MCC: variants seen among roughly 807,000 people sequenced by gnomAD.
MCC encodes the protein MCC regulator of Wnt signaling pathway.
In MCC, 90 loss-of-function variants were observed where a neutral mutation model predicts 116.2. The ratio of observed to expected loss-of-function variants is 0.77; its 90% confidence interval spans 0.65 to 0.92. The LOEUF (loss-of-function observed/expected upper bound fraction) is 0.92. Among genes scored for constraint, MCC ranks in the 40% least tolerant of loss-of-function variants. MCC has a pLI of 0.00. For synonymous variants in MCC, 578 were observed against 510.5 expected, an observed-to-expected ratio of 1.13 and a Z score of -1.78; for missense variants, 1,516 against 1,312.2, an observed-to-expected ratio of 1.16 and a Z score of -2.40.
At chr5:113,406,079 G>T (rs1461709743) in intron 1 of MCC, among the ~76,000 whole-genome samples, 1 of 152,078 alleles carries the variant, frequency 6.6e-6, no homozygotes, top group Admixed American at 6.6e-5. Flanking sequence ...AAAGTTCACA[G>T]GTTCATCTTA....
intron 6 of MCC, among the ~76,000 whole-genome samples, chr5:113,116,340 G>A (rs1199366301): frequency 6.6e-6 from 1 of 152,178 alleles, no homozygotes; most frequent in African/African-American, 2.4e-5. Context: ...ACACTAGCAA[G>A]GTCCCGAAGT....
chr5:113,148,664 C>T (rs1386429437), intron 4 of MCC, among the ~76,000 whole-genome samples: 1 of 152,146 alleles, frequency 6.6e-6, no homozygotes, highest in Non-Finnish European at 1.5e-5. Flanking sequence ...GCAGCACAGT[C>T]ATTTCATTGT....
chr5:113,426,796 G>A (rs1255401860), intron 1 of MCC, among the ~76,000 whole-genome samples: 2 of 152,134 alleles, frequency 1.3e-5, no homozygotes, highest in East Asian at 3.8e-4. Flanking sequence ...GATGGGGATG[G>A]ATTTAATTGG....
chr5:113,488,351 TGCCGCCGCCGCCGCC>T lies in MCC; in HGVS notation c.49_63del (p.Gly17_Gly21del). ...TCGCTGCTGCTGCTGCTGCTGCCGC[TGCCGCCGCCGCCGCC>T]GCCGCTGCTGGAGCTCCCCGCAGCC... On this transcript the variant is annotated inframe_deletion, in exon 1 of 19. Coordinates refer to ENST00000408903, the MANE Select transcript of MCC (RefSeq NM_001085377.2). 4 of 1,455,516 alleles carry T rather than the reference TGCCGCCGCCGCCGCC, an allele frequency of 2.7e-6. No homozygotes were observed. Among genetic ancestry groups the T allele is most frequent in the African/African-American group, 1.5e-5 (1 of 68,152 alleles). The allele number at this position is 1,455,516 out of a possible 1,614,324, so 90.2% of individuals were successfully genotyped here.
chr5:113,371,803 G>T (rs2150389037), intron 2 of MCC, among the ~76,000 whole-genome samples: 1 of 152,302 alleles, frequency 6.6e-6, no homozygotes, highest in South Asian at 2.1e-4. Flanking sequence ...AGATAAAACA[G>T]GAAGCAAAAT....
At chr5:113,450,017 T>C (rs1771343220) in intron 1 of MCC, among the ~76,000 whole-genome samples, 1 of 152,206 alleles carries the variant, frequency 6.6e-6, no homozygotes, top group Non-Finnish European at 1.5e-5. Flanking sequence ...TTGCACAATG[T>C]ATAATTTGCA....
intron 2 of MCC, among the ~76,000 whole-genome samples, chr5:113,361,288 G>A (rs1300873602): frequency 7.1e-6 from 1 of 141,286 alleles, no homozygotes; most frequent in Non-Finnish European, 1.5e-5. Context: ...AGTCTTTATT[G>A]TACCTCTATA....
intron 15 of MCC, among the ~76,000 whole-genome samples, chr5:113,050,918 G>T (rs906324522): frequency 5.9e-5 from 9 of 152,216 alleles, no homozygotes; most frequent in Non-Finnish European, 1.5e-5. Context: ...ACCCCTACGG[G>T]AGCAGGATTC....
rs140224456 is a variant in MCC, at chr5:113,143,751, A to T, written c.742-391T>A. Among the ~76,000 whole-genome samples the T allele has an allele frequency of 2.2e-4, 33 of 152,282 alleles. No homozygotes were observed. The East Asian group carries it at 6.2e-3, about 29-fold the overall frequency. ...AGCCAATGGATGTAAGGTTGCATGGAGTTGATTCAGAAAGCCTTGAAGAGC... is the reference window on the plus strand; with the variant it reads ...AGCCAATGGATGTAAGGTTGCATGGTGTTGATTCAGAAAGCCTTGAAGAGC... On this transcript the variant is annotated intron_variant, in intron 4 of 18. Coordinates refer to ENST00000408903, the MANE Select transcript of MCC (RefSeq NM_001085377.2).
At chr5:113,245,021 T>C (rs931745080) in intron 3 of MCC, among the ~76,000 whole-genome samples, 3 of 152,206 alleles carry the variant, frequency 2.0e-5, no homozygotes, top group African/African-American at 7.2e-5. Flanking sequence ...GGGTAGCTTT[T>C]GCTTCTGGAA....
At chr5:113,193,282 T>A (rs1037169506) in intron 3 of MCC, among the ~76,000 whole-genome samples, 3 of 151,302 alleles carry the variant, frequency 2.0e-5, no homozygotes, top group African/African-American at 7.3e-5. Context: ...AGATTCTTAA[T>A]CGCATATGCA....
At chr5:113,260,934 G>A (rs1458754233) in intron 3 of MCC, among the ~76,000 whole-genome samples, 2 of 152,152 alleles carry the variant, frequency 1.3e-5, no homozygotes, top group African/African-American at 4.8e-5. Context: ...TTTTCTTGAA[G>A]TAATAGCCTC....
intron 3 of MCC, among the ~76,000 whole-genome samples, chr5:113,223,708 A>G (rs1478123866): frequency 6.6e-6 from 1 of 152,196 alleles, no homozygotes; most frequent in African/African-American, 2.4e-5. Context: ...CCGATCTACA[A>G]AGAAGGGCAG....
At chr5:113,230,369 A>G (rs545386086) in intron 3 of MCC, among the ~76,000 whole-genome samples, 1 of 152,356 alleles carries the variant, frequency 6.6e-6, no homozygotes, top group African/African-American at 2.4e-5. Context: ...TATCTCATAC[A>G]TAAACAACAC....
intron 5 of MCC, among the ~76,000 whole-genome samples, chr5:113,126,983 T>A (rs916650437): frequency 3.3e-5 from 5 of 152,190 alleles, no homozygotes; most frequent in Non-Finnish European, 4.4e-5. Context: ...CCCAGCCCAA[T>A]ACCCAATGGT....
At chr5:113,279,504 A>C (rs970331860) in intron 3 of MCC, among the ~76,000 whole-genome samples, 1 of 152,236 alleles carries the variant, frequency 6.6e-6, no homozygotes, top group Non-Finnish European at 1.5e-5. Flanking sequence ...ACCCCAGAAA[A>C]GCAATTAACA....
intron 1 of MCC, among the ~76,000 whole-genome samples, chr5:113,389,470 A>T (rs1769353260): frequency 6.6e-6 from 1 of 152,194 alleles, no homozygotes; most frequent in African/African-American, 2.4e-5. Flanking sequence ...TTCCACTTCC[A>T]TGCAGTCCTG....
chr5:113,202,710 G>C (rs1762736187), intron 3 of MCC, among the ~76,000 whole-genome samples: 1 of 149,492 alleles, frequency 6.7e-6, no homozygotes, highest in East Asian at 2.0e-4. Flanking sequence ...TATGACTTCT[G>C]TTCCCATTCC....
intron 2 of MCC, among the ~76,000 whole-genome samples, chr5:113,367,429 C>CT (rs1462769108): frequency 6.8e-6 from 1 of 147,116 alleles, no homozygotes; most frequent in Non-Finnish European, 1.5e-5. Context: ...TCTCCTGGAG[C>CT]TTTTTTTACC....
Sources: allele counts gnomAD v4.1 joint callset (sites outside exome capture counted in the v4.1 genomes callset), GRCh38; gene constraint gnomAD v4.1.1; transcripts MANE v1.5; gene names NCBI Gene and HGNC (gene_info 2026-07-23, HGNC 2026-07-21).